The following OSGIN2 variants were observed in gnomAD, a reference collection of about 807,000 sequenced individuals.
OSGIN2 encodes oxidative stress induced growth inhibitor family member 2, also known as oxidative stress-induced growth inhibitor 2.
In OSGIN2, 19 loss-of-function variants were observed where a neutral mutation model predicts 53.8. The ratio of observed to expected loss-of-function variants is 0.35; its 90% confidence interval spans 0.25 to 0.52. The LOEUF is 0.52. Among genes scored for constraint, OSGIN2 ranks in the 20% least tolerant of loss-of-function variants. The probability of loss-of-function intolerance (pLI) is 0.95; values close to 1 mark genes in which losing one functional copy is unlikely to be tolerated. For synonymous variants in OSGIN2, 236 were observed against 236.0 expected, an observed-to-expected ratio of 1.00 and a Z score of 0.00; for missense variants, 520 against 662.7, an observed-to-expected ratio of 0.78 and a Z score of 2.36.
intron 1 of OSGIN2, among the ~76,000 whole-genome samples, chr8:89,906,145 A>G (rs543631812): frequency 6.6e-6 from 1 of 152,324 alleles, no homozygotes; most frequent in African/African-American, 2.4e-5. Context: ...AACATGTGTC[A>G]TGGGAGTTTG....
rs749372752 is a variant in OSGIN2, at chr8:89,924,684, C to G, written c.802C>G (p.Gln268Glu). The G allele has an allele frequency of 5.6e-6, 9 of 1,613,906 alleles. No individual in the cohort carries two copies. The highest frequency in any genetic ancestry group is 2.7e-5 in the African/African-American group (2 of 74,892). ...QDRDISTKHL[Q>E]IEKSNFIKRN... ...CAGAGATATTTCAACAAAGCATTTA[C>G]AGATAGAGAAGTCAAACTTTATCAA... Residue 268 changes from glutamine to glutamate, a missense_variant, in exon 6 of 6, where the codon CAG becomes GAG. Physicochemically the swap from Gln to Glu is conservative, Grantham distance 29. Coordinates refer to ENST00000451899, the MANE Select transcript of OSGIN2 (RefSeq NM_001126111.3).
chr8:89,904,001 TAGAG>T (rs1808785831), intron 1 of OSGIN2, among the ~76,000 whole-genome samples: 1 of 152,220 alleles, frequency 6.6e-6, no homozygotes, highest in African/African-American at 2.4e-5. Flanking sequence ...ATGTAAGGCA[TAGAG>T]AAAGTTTGGA....
chr8:89,912,513 G>A (rs1808987312), intron 2 of OSGIN2, among the ~76,000 whole-genome samples: 1 of 152,066 alleles, frequency 6.6e-6, no homozygotes, highest in South Asian at 2.1e-4. Context: ...CCCAGCACTT[G>A]GGGAGGCTGT....
intron 4 of OSGIN2, 54 bp from the exon 5 acceptor site, chr8:89,921,026 A>C: frequency 9.2e-7 from 1 of 1,089,140 alleles, no homozygotes; most frequent in Non-Finnish European, 1.4e-6. Flanking sequence ...ACCAAAAAAA[A>C]CCATGTTACT....
At chr8:89,906,704 A>G (rs554739009) in intron 1 of OSGIN2, among the ~76,000 whole-genome samples, 11 of 152,242 alleles carry the variant, frequency 7.2e-5, no homozygotes, top group African/African-American at 2.4e-4. Flanking sequence ...GGTTGATTCC[A>G]TGCCTTTGCC....
At chr8:89,913,970 G>C in intron 2 of OSGIN2, 107 bp from the exon 3 acceptor site, 1 of 889,342 alleles carries the variant, frequency 1.1e-6, no homozygotes, top group Non-Finnish European at 1.8e-6. Context: ...GATTAGAAAA[G>C]GAAGAACTGG....
At chr8:89,902,042 G>A (rs1808727333), upstream of OSGIN2, 4 of 152,372 alleles carry the variant, frequency 2.6e-5, no homozygotes, top group South Asian at 8.3e-4. Context: ...AGTCCTCCAG[G>A]TAACTGTGAT....
rs1809335693 is a variant in OSGIN2, at chr8:89,926,455, T to C, written c.*923T>C. On this transcript the variant is annotated 3_prime_UTR_variant, in exon 6 of 6. Coordinates refer to ENST00000451899, the MANE Select transcript of OSGIN2 (RefSeq NM_001126111.3). The stretch of plus-strand genomic sequence containing the variant: ...TCACTGAAACTGAGGTATTTGGGTG[T>C]GGTAAGTACTTCGAAAATTGTAATA... 1 of 152,644 alleles carries C rather than the reference T, an allele frequency of 6.6e-6. No individual in the cohort carries two copies. The highest frequency in any genetic ancestry group is 1.5e-5 in the Non-Finnish European group (1 of 68,022). 9.5% of individuals were successfully genotyped at this position (152,644 alleles called of 1,614,324 possible). A position where few individuals can be genotyped will look rare whatever the true frequency, so the allele number is the denominator to read the frequency against.
In OSGIN2 at chr8:89,909,575, G is replaced by A; in HGVS notation, c.53G>A (p.Ser18Asn). 6.6e-7 allele frequency: 1 copy of A among 1,506,142 alleles called. No individual in the cohort carries two copies. The highest frequency in any genetic ancestry group is 9.0e-7 in the Non-Finnish European group (1 of 1,114,580). The allele number at this position is 1,506,142 out of a possible 1,614,324, so 93.3% of individuals were successfully genotyped here. Residue 18 changes from serine (S) to asparagine (N), a missense_variant, in exon 2 of 6, where the codon AGT becomes AAT. Transcript: ENST00000451899. ...CSLAGHFRNY[S>N]DTETEGEIFN... ...CTTTTTTTTTTTTAAAGAAACTATA[G>A]TGACACTGAAACTGAAGGAGAGATT...
At chr8:89,918,011 A>G (rs2130706708) in intron 4 of OSGIN2, among the ~76,000 whole-genome samples, 1 of 152,310 alleles carries the variant, frequency 6.6e-6, no homozygotes, top group South Asian at 2.1e-4. Flanking sequence ...GTTTATAGCT[A>G]ACTTCCTGAA....
intron 1 of OSGIN2, among the ~76,000 whole-genome samples, chr8:89,904,829 CA>C (rs1156872060): frequency 6.6e-6 from 1 of 151,962 alleles, no homozygotes; most frequent in Non-Finnish European, 1.5e-5. Context: ...AAAAAACACA[CA>C]AAAAAACACA....
chr8:89,916,289 C>G (rs1287207506), intron 4 of OSGIN2, among the ~76,000 whole-genome samples: 1 of 151,848 alleles, frequency 6.6e-6, no homozygotes, highest in East Asian at 1.9e-4. Context: ...ATGGATAAAC[C>G]CTGATTACTA....
intron 1 of OSGIN2, among the ~76,000 whole-genome samples, chr8:89,909,037 A>AATAT (rs1252373741): frequency 2.2e-4 from 19 of 84,864 alleles, no homozygotes; most frequent in African/African-American, 5.8e-4. Context: ...AAAAAAAAAA[A>AATAT]ATATATATAT....
chr8:89,905,675 G>C (rs1379521678), intron 1 of OSGIN2, among the ~76,000 whole-genome samples: 1 of 152,184 alleles, frequency 6.6e-6, no homozygotes, highest in African/African-American at 2.4e-5. Flanking sequence ...GTTTATCACA[G>C]AGTTTATACC....
intron 1 of OSGIN2, among the ~76,000 whole-genome samples, chr8:89,906,232 G>T (rs760692016): frequency 6.6e-6 from 1 of 152,114 alleles, no homozygotes; most frequent in Non-Finnish European, 1.5e-5. Flanking sequence ...GGACCACATT[G>T]GAAGAATTGT....
Position 89,914,707 on chromosome 8 carries a change from C to T in OSGIN2, c.489C>T (p.His163=), listed in dbSNP as rs77303215. The T allele has an allele frequency of 2.9e-3, 4,612 of 1,613,910 alleles. 117 individuals carry two copies. In the African/African-American group the frequency reaches 0.056, roughly 20 times the overall value. The change falls in exon 4 of 6, where the codon CAC becomes CAT. Residue 163 remains histidine (H), a synonymous_variant. Transcript: ENST00000451899. The part of the protein sequence containing the change: ...WKLEQHHYIP[H]VVLGKGPPGG... The stretch of plus-strand genomic sequence containing the variant: ...TAGAGCAACATCATTATATCCCTCA[C>T]GTAGTTCTTGGTAAAGGTCCACCTG...
rs761377419 is a variant in OSGIN2, at chr8:89,925,787, C to A, written c.*255C>A. 2.4e-5 allele frequency: 9 copies of A among 370,416 alleles called. 1 individual carries two copies. The South Asian group carries it at 4.3e-4, about 18-fold the overall frequency. The allele number at this position is 370,416 out of a possible 1,614,324, so 22.9% of individuals were successfully genotyped here. ...TAAGCTTTCATTTAACTAAAACATT[C>A]TTTTCTTGCAAAACTTATTTTTCAT... On this transcript the variant is annotated 3_prime_UTR_variant, in exon 6 of 6. Coordinates refer to ENST00000451899, the MANE Select transcript of OSGIN2 (RefSeq NM_001126111.3).
chr8:89,914,783 A>G, intron 4 of OSGIN2, 37 bp downstream of exon 4: 1 of 1,497,918 alleles, frequency 6.7e-7, no homozygotes, highest in South Asian at 1.1e-5. Context: ...GTGTATGTGA[A>G]TTATTTGTCT....
At chr8:89,912,754 AAC>A (rs1808994936) in intron 2 of OSGIN2, among the ~76,000 whole-genome samples, 1 of 151,886 alleles carries the variant, frequency 6.6e-6, no homozygotes, top group Non-Finnish European at 1.5e-5. Flanking sequence ...GAAAAAAAAA[AAC>A]ACAACGAAAA....
Sources: gnomAD v4.1 joint callset for allele counts (sites outside exome capture counted in the v4.1 genomes callset) on GRCh38, gnomAD v4.1.1 for gene constraint, MANE v1.5 for transcripts, NCBI Gene and HGNC (gene_info 2026-07-23, HGNC 2026-07-21) for gene names.